Variants in TBC1D16 observed in about 807,000 individuals in gnomAD.
The protein encoded by TBC1D16 is TBC1 domain family member 16, also known as CTD-2529O21.1.
A neutral mutation model predicts 74.7 loss-of-function variants in TBC1D16; 58 were observed. The ratio of observed to expected loss-of-function variants is 0.78; its 90% confidence interval spans 0.63 to 0.97. TBC1D16 has a LOEUF of 0.97. Among genes scored for constraint, TBC1D16 ranks in the 50% least tolerant of loss-of-function variants. TBC1D16 has a pLI of 0.00. For synonymous variants in TBC1D16, 493 were observed against 474.7 expected, an observed-to-expected ratio of 1.04 and a Z score of -0.50; for missense variants, 1,014 against 1,079.5, an observed-to-expected ratio of 0.94 and a Z score of 0.85.
rs867277679 is a variant in TBC1D16, at chr17:79,950,476, C to T, written c.1192G>A (p.Val398Ile). The T allele has an allele frequency of 1.2e-6, 2 of 1,612,968 alleles. No individual in the cohort carries two copies. The highest frequency in any genetic ancestry group is 1.7e-6 in the Non-Finnish European group (2 of 1,179,846). Residue 398 changes from valine (V) to isoleucine (I), a missense_variant, in exon 6 of 12, where the codon GTC (valine) becomes ATC (isoleucine). Physicochemically the swap from Val to Ile is conservative, Grantham distance 29 (BLOSUM62 3). Transcript: ENST00000310924. This position sits in a 1 kb window ranked among gnomAD's most constrained non-coding sequence, Gnocchi z 4.6. ...PEESMYKRLG[V>I]SAWLNHLNEL... ...TTCAGGTGGTTGAGCCAGGCGGAGA[C>T]GCCGAGCCTCTTGTACATGCTCTCC...
chr17:79,964,952 A>C (rs56388013), intron 3 of TBC1D16, among the ~76,000 whole-genome samples: 8,751 of 152,242 alleles, frequency 0.057, 504 homozygotes, highest in African/African-American at 0.15. Flanking sequence ...AGTAGAAAAT[A>C]ATACTAAAAC....
chr17:79,942,032 G>GA (rs1467207231), intron 11 of TBC1D16, 28 bp downstream of exon 11: 1 of 1,587,246 alleles, frequency 6.3e-7, no homozygotes, highest in Non-Finnish European at 8.5e-7. Flanking sequence ...GCGGGGCGGG[G>GA]TGGGGCCCAC....
intron 3 of TBC1D16, among the ~76,000 whole-genome samples, chr17:79,991,155 A>G (rs1463974079): frequency 1.3e-5 from 2 of 152,346 alleles, no homozygotes; most frequent in East Asian, 3.9e-4. Flanking sequence ...TCACAAAGTA[A>G]ATTCCAGACA....
At position 79,983,647 on chromosome 17, in the gene TBC1D16, C is replaced by G. The variant is rs1054631293; in HGVS notation, c.779+26513G>C. Among the ~76,000 whole-genome samples the G allele has an allele frequency of 6.6e-6, 1 of 152,178 alleles. No homozygotes were observed. Among genetic ancestry groups the G allele is most frequent in the African/African-American group, 2.4e-5 (1 of 41,442 alleles). On this transcript the variant is annotated intron_variant, in intron 3 of 11. Transcript: ENST00000310924. The surrounding 1 kb of genome is among the most constrained non-coding windows in gnomAD (Gnocchi z 5.6). ...GTGTGCAAAGCCTGCTTTAGGAGAGCAAGGAAGTGCCGCCCACGGCATTCC... is the reference window on the plus strand; with the variant it reads ...GTGTGCAAAGCCTGCTTTAGGAGAGGAAGGAAGTGCCGCCCACGGCATTCC...
At chr17:80,021,875 C>T (rs749943689) in intron 1 of TBC1D16, among the ~76,000 whole-genome samples, 1 of 150,920 alleles carries the variant, frequency 6.6e-6, no homozygotes, top group Non-Finnish European at 1.5e-5. Flanking sequence ...GACACACACA[C>T]ACCATGACAC....
In TBC1D16 at chr17:79,986,695, G is replaced by C. The variant is rs543619367; in HGVS notation, c.779+23465C>G. Among the ~76,000 whole-genome samples, 279 of 152,194 alleles carry C rather than the reference G, an allele frequency of 1.8e-3. No homozygotes were observed. The highest frequency in any genetic ancestry group is 6.2e-3 in the African/African-American group (257 of 41,566). Reference sequence around the variant, plus strand: ...GGCAGAGCCACCATGGTGGGTGAACGGGCTTCCTCTCGGAAACCAACATCC... The same window carrying C: ...GGCAGAGCCACCATGGTGGGTGAACCGGCTTCCTCTCGGAAACCAACATCC... On this transcript the variant is annotated intron_variant, in intron 3 of 11. Transcript: ENST00000310924. This position sits in a 1 kb window ranked among gnomAD's most constrained non-coding sequence, Gnocchi z 6.0.
rs1205922301 is a variant in TBC1D16 at position 79,979,200 on chromosome 17, C to G, written c.780-26382G>C. Among the ~76,000 whole-genome samples the G allele has an allele frequency of 1.3e-5, 2 of 152,178 alleles. No individual in the cohort carries two copies. The highest frequency in any genetic ancestry group is 4.8e-5 in the African/African-American group (2 of 41,444). ...AGCCATAGGAGCTGGGCAGGGAAGG[C>G]CAGAGCACACACGCTCCGGGGACGC... is the stretch of plus-strand genomic sequence containing the variant. On this transcript the variant is annotated intron_variant, in intron 3 of 11. Coordinates refer to ENST00000310924, the MANE Select transcript of TBC1D16 (RefSeq NM_019020.4). The surrounding 1 kb of genome is among the most constrained non-coding windows in gnomAD (Gnocchi z 4.8).
intron 3 of TBC1D16, among the ~76,000 whole-genome samples, chr17:80,002,509 C>T (rs1318741339): frequency 1.3e-5 from 2 of 152,198 alleles, no homozygotes; most frequent in Admixed American, 6.5e-5. Context: ...CTTGTGCCAT[C>T]GCCCCCATGA....
chr17:79,974,063 A>T (rs1318674056), intron 3 of TBC1D16, among the ~76,000 whole-genome samples: 1 of 152,186 alleles, frequency 6.6e-6, no homozygotes, highest in African/African-American at 2.4e-5. Context: ...CTGTGGGGCC[A>T]TTATTCAGTC....
Position 79,993,366 on chromosome 17 carries a change from T to G in TBC1D16, c.779+16794A>C, listed in dbSNP as rs182403674. ...TCTTGATGGTCAGGGAACCTTACTT[T>G]CAGGTCCCCAAAGCAGATTCCCTGA... is the stretch of plus-strand genomic sequence containing the variant. On this transcript the variant is annotated intron_variant, in intron 3 of 11. Transcript: ENST00000310924. This position sits in a 1 kb window ranked among gnomAD's most constrained non-coding sequence, Gnocchi z 5.1. Among the ~76,000 whole-genome samples the G allele has an allele frequency of 6.6e-6, 1 of 152,258 alleles. No individual in the cohort carries two copies. The highest frequency in any genetic ancestry group is 6.5e-5 in the Admixed American group (1 of 15,306).
chr17:80,003,586 T>C (rs889605664), intron 3 of TBC1D16, among the ~76,000 whole-genome samples: 1 of 152,122 alleles, frequency 6.6e-6, no homozygotes, highest in East Asian at 1.9e-4. Context: ...TTTTTATACA[T>C]TGGTTTTCAT....
chr17:80,013,421 T>C lies in TBC1D16; in HGVS notation c.127A>G (p.Asn43Asp). The C allele has an allele frequency of 1.2e-6, 2 of 1,608,408 alleles. No individual in the cohort carries two copies. Among genetic ancestry groups the C allele is most frequent in the South Asian group, 1.1e-5 (1 of 89,948 alleles). Residue 43 changes from asparagine to aspartate, a missense_variant, in exon 2 of 12, where the codon AAT (asparagine) becomes GAT (aspartate). Coordinates refer to ENST00000310924, the MANE Select transcript of TBC1D16 (RefSeq NM_019020.4). ...LDGEIIYSKNNVCVHPPEGLQ... is the reference protein window; with the variant it reads ...LDGEIIYSKNDVCVHPPEGLQ... ...CCCTCCGGCGGGTGCACGCAGACATTGTTCTTGGAGTAGATGATCTCTCCA... is the reference window on the plus strand; with the variant it reads ...CCCTCCGGCGGGTGCACGCAGACATCGTTCTTGGAGTAGATGATCTCTCCA...
In TBC1D16 at chr17:80,010,859, G is replaced by A. The variant is rs1487161191; in HGVS notation, c.182-102C>T. 4.9e-6 allele frequency: 4 copies of A among 808,958 alleles called. No homozygotes were observed. Among genetic ancestry groups the A allele is most frequent in the Non-Finnish European group, 7.2e-6 (4 of 551,864 alleles). The allele number at this position is 808,958 out of a possible 1,614,324, so 50.1% of individuals were successfully genotyped here. ...TGCTCGGAGAGGCCACTGCCCTTTA[G>A]TAAAGTGCCAGTCCGGCCTCAGATA... On this transcript the variant is annotated intron_variant, in intron 2 of 11. Coordinates refer to ENST00000310924, the MANE Select transcript of TBC1D16 (RefSeq NM_019020.4). This position sits in a 1 kb window ranked among gnomAD's most constrained non-coding sequence, Gnocchi z 8.8.
chr17:80,001,058 G>T lies in TBC1D16; in HGVS notation c.779+9102C>A, dbSNP rs535730062. Reference sequence around the variant, plus strand: ...GGAGGGGACCAGTGCTCGGCTGGGCGCCTGCTTGGCTTCTCCGCCTGACAG... The same window carrying T: ...GGAGGGGACCAGTGCTCGGCTGGGCTCCTGCTTGGCTTCTCCGCCTGACAG... On this transcript the variant is annotated intron_variant, in intron 3 of 11. Transcript: ENST00000310924. This position sits in a 1 kb window ranked among gnomAD's most constrained non-coding sequence, Gnocchi z 5.8. 2.6e-5 allele frequency among the ~76,000 whole-genome samples: 4 copies of T among 152,232 alleles called. No homozygotes were observed. Among genetic ancestry groups the T allele is most frequent in the Non-Finnish European group, 5.9e-5 (4 of 68,040 alleles).
intron 1 of TBC1D16, among the ~76,000 whole-genome samples, chr17:80,018,004 A>T (rs1464724016): frequency 1.3e-5 from 2 of 152,212 alleles, no homozygotes; most frequent in African/African-American, 4.8e-5. Flanking sequence ...CACATGGAAA[A>T]GCTATGTTCT....
chr17:79,988,140 C>T lies in TBC1D16; in HGVS notation c.779+22020G>A, dbSNP rs937936261. 6.6e-5 allele frequency among the ~76,000 whole-genome samples: 10 copies of T among 152,322 alleles called. No homozygotes were observed. The highest frequency in any genetic ancestry group is 2.2e-4 in the African/African-American group (9 of 41,574). On this transcript the variant is annotated intron_variant, in intron 3 of 11. Coordinates refer to ENST00000310924, the MANE Select transcript of TBC1D16 (RefSeq NM_019020.4). This position sits in a 1 kb window ranked among gnomAD's most constrained non-coding sequence, Gnocchi z 5.7. The stretch of plus-strand genomic sequence containing the variant: ...TAGAAGGGAGAGGGGGATGATAGCA[C>T]GTCCTGCCAGAAGCCGTTTTATTTA...
chr17:80,024,480 AC>A (rs2036439329), intron 1 of TBC1D16, among the ~76,000 whole-genome samples: 1 of 141,120 alleles, frequency 7.1e-6, no homozygotes, highest in African/African-American at 3.0e-5. Context: ...CACACCACAC[AC>A]CATAGACACA....
intron 3 of TBC1D16, among the ~76,000 whole-genome samples, chr17:79,974,957 G>A (rs752957105): frequency 2.2e-4 from 34 of 152,290 alleles, no homozygotes; most frequent in Admixed American, 4.6e-4. Context: ...ATTTGGCCTC[G>A]GTTTTTGCCT....
chr17:80,019,961 T>C (rs2036229544), intron 1 of TBC1D16, among the ~76,000 whole-genome samples: 1 of 149,992 alleles, frequency 6.7e-6, no homozygotes, highest in Non-Finnish European at 1.5e-5. Context: ...AGAATGAAAC[T>C]GTTTTTGAAG....
Sources: allele counts gnomAD v4.1 joint callset (sites outside exome capture counted in the v4.1 genomes callset), GRCh38; gene constraint gnomAD v4.1.1; non-coding constraint Gnocchi (gnomAD v3.1); transcripts MANE v1.5; gene names NCBI Gene and HGNC (gene_info 2026-07-23, HGNC 2026-07-21).